Variants in METTL15 observed in about 807,000 individuals in gnomAD.
METTL15 encodes the protein 12S rRNA N(4)-cytidine methyltransferase METTL15.
Under a neutral mutation model 38.3 loss-of-function variants are expected in METTL15, and 34 were observed. The ratio of observed to expected loss-of-function variants is 0.89; its 90% CI spans 0.68 to 1.18. The LOEUF (loss-of-function observed/expected upper bound fraction) is 1.18, where lower values mean the gene tolerates loss of function less well. METTL15 is among the 50% of genes most tolerant of loss of function. METTL15 has a pLI of 0.00. For missense variants in METTL15, 438 were observed against 498.4 expected (o/e 0.88, Z 1.15); for synonymous variants, 162 against 170.9 (o/e 0.95, Z 0.41).
At chr11:28,369,013 G>C (rs1231840851) in intron 5 of METTL15, among the ~76,000 whole-genome samples, 1 of 152,038 alleles carries the variant, frequency 6.6e-6, no homozygotes, top group East Asian at 1.9e-4. Context: ...AGGGTGGGGA[G>C]CTAGGGGAGG....
At chr11:28,364,349 G>T (rs1850167417) in intron 5 of METTL15, among the ~76,000 whole-genome samples, 1 of 152,032 alleles carries the variant, frequency 6.6e-6, no homozygotes, top group African/African-American at 2.4e-5. Flanking sequence ...TGTCACTTCT[G>T]ATTTCTTTCA....
chr11:28,427,953 G>A (rs761223130), intron 6 of METTL15, among the ~76,000 whole-genome samples: 12 of 152,122 alleles, frequency 7.9e-5, no homozygotes, highest in East Asian at 5.8e-4. Flanking sequence ...CCAATACTAC[G>A]TTGAACAGGA....
chr11:28,299,727 C>T (rs1471942446), intron 6 of METTL15, among the ~76,000 whole-genome samples: 1 of 152,112 alleles, frequency 6.6e-6, no homozygotes, highest in Non-Finnish European at 1.5e-5. Flanking sequence ...GCTGCTGCTA[C>T]TAAGTACTAC....
chr11:28,461,256 A>C (rs1373925075), intron 6 of METTL15, among the ~76,000 whole-genome samples: 5 of 152,046 alleles, frequency 3.3e-5, no homozygotes, highest in Admixed American at 3.3e-4. Flanking sequence ...AATTCATTTG[A>C]GCAATTGACA....
intron 6 of METTL15, among the ~76,000 whole-genome samples, chr11:28,510,150 C>T (rs1323360147): frequency 7.9e-5 from 12 of 152,074 alleles, no homozygotes; most frequent in Admixed American, 7.9e-4. Context: ...ATTTTCCTTA[C>T]AGCGCCTGTG....
chr11:28,155,425 G>A (rs1850230079), intron 3 of METTL15, among the ~76,000 whole-genome samples: 1 of 152,112 alleles, frequency 6.6e-6, no homozygotes, highest in South Asian at 2.1e-4. Context: ...CAGGAACATG[G>A]ACCTTATTAC....
intron 3 of METTL15, among the ~76,000 whole-genome samples, chr11:28,166,785 C>T (rs1231727048): frequency 1.3e-5 from 2 of 151,930 alleles, no homozygotes; most frequent in African/African-American, 2.4e-5. Flanking sequence ...ACTGTCTCTA[C>T]CAAAAAGGCA....
At chr11:28,433,343 A>G (rs1033594210) in intron 6 of METTL15, among the ~76,000 whole-genome samples, 1 of 152,194 alleles carries the variant, frequency 6.6e-6, no homozygotes. Flanking sequence ...AAGTATCCCA[A>G]TAAGAGAGGA....
intron 5 of METTL15, among the ~76,000 whole-genome samples, chr11:28,374,228 G>A (rs1370247970): frequency 6.6e-6 from 1 of 152,008 alleles, no homozygotes; most frequent in East Asian, 1.9e-4. Context: ...TGATGGGGAT[G>A]GCATTGAATC....
chr11:28,503,486 A>G (rs1851601116), intron 6 of METTL15, among the ~76,000 whole-genome samples: 2 of 152,224 alleles, frequency 1.3e-5, no homozygotes, highest in African/African-American at 4.8e-5. Context: ...TTACCCAGCT[A>G]GCAGATAGTA....
intron 4 of METTL15, among the ~76,000 whole-genome samples, chr11:28,286,368 T>C (rs1856262504): frequency 6.6e-6 from 1 of 152,190 alleles, no homozygotes; most frequent in South Asian, 2.1e-4. Context: ...AACTGGGCAC[T>C]GTAGCTTAGC....
intron 6 of METTL15, among the ~76,000 whole-genome samples, chr11:28,312,793 CTCT>C: frequency 6.6e-6 from 1 of 152,204 alleles, no homozygotes; most frequent in African/African-American, 2.4e-5. Context: ...CCAACTCATC[CTCT>C]TCTCAGGAGT....
chr11:28,361,944 C>T (rs1334915476), exon 5 of METTL15: 2 of 152,112 alleles, frequency 1.3e-5, no homozygotes, highest in Non-Finnish European at 2.9e-5. Flanking sequence ...CAGGCATTTT[C>T]CCCCAATAAA....
rs369999446 is a variant in METTL15, at chr11:28,211,075, T to C, written c.284T>C (p.Met95Thr). 1 of 1,608,814 alleles carries C rather than the reference T, an allele frequency of 6.2e-7. No homozygotes were observed. The highest frequency in any genetic ancestry group is 1.7e-5 in the Admixed American group (1 of 59,254). Reference protein sequence around the residue: ...SPQKGQIFLDMTFGSGGHTKA... With the variant: ...SPQKGQIFLDTTFGSGGHTKA... Reference sequence around the variant, plus strand: ...TGTGTTTGCTAGATTTTTCTAGATATGACATTTGGTTCGGGAGGGCACACA... The same window carrying C: ...TGTGTTTGCTAGATTTTTCTAGATACGACATTTGGTTCGGGAGGGCACACA... The change falls in exon 4 of 7, where the codon ATG (methionine) becomes ACG (threonine). Residue 95 changes from methionine (M) to threonine (T), a missense_variant. By Grantham distance (81) the Met-to-Thr change is moderately conservative. Coordinates refer to ENST00000407364, the MANE Select transcript of METTL15 (RefSeq NM_001113528.2).
downstream of METTL15, chr11:28,527,179 T>C (rs1486263255): frequency 6.6e-6 from 1 of 152,248 alleles, no homozygotes; most frequent in Non-Finnish European, 1.5e-5. Flanking sequence ...AACACTTGAT[T>C]TATTTTACTA....
chr11:28,127,232 G>A (rs1410027808), intron 3 of METTL15, among the ~76,000 whole-genome samples: 1 of 152,060 alleles, frequency 6.6e-6, no homozygotes, highest in Non-Finnish European at 1.5e-5. Context: ...GATAATGAGT[G>A]GTAATAGTTG....
chr11:28,220,478 T>C (rs533141179), intron 4 of METTL15, among the ~76,000 whole-genome samples: 1 of 152,310 alleles, frequency 6.6e-6, no homozygotes, highest in African/African-American at 2.4e-5. Flanking sequence ...ATGGGTTTCC[T>C]GAATACAGCA....
chr11:28,279,572 A>G (rs1855971244), intron 4 of METTL15, among the ~76,000 whole-genome samples: 1 of 152,100 alleles, frequency 6.6e-6, no homozygotes, highest in African/African-American at 2.4e-5. Flanking sequence ...TTTTGAGGTT[A>G]CTTTGGTGAT....
At chr11:28,205,178 C>T (rs1852274527) in intron 3 of METTL15, among the ~76,000 whole-genome samples, 1 of 151,722 alleles carries the variant, frequency 6.6e-6, no homozygotes, top group African/African-American at 2.4e-5. Flanking sequence ...CATATGTATA[C>T]ATGTGCCATG....
Sources: gnomAD v4.1 joint callset for allele counts (sites outside exome capture counted in the v4.1 genomes callset) on GRCh38, gnomAD v4.1.1 for gene constraint, MANE v1.5 for transcripts, NCBI Gene and HGNC (gene_info 2026-07-23, HGNC 2026-07-21) for gene names.